The following RPSA2 variants were observed in gnomAD, a reference collection of about 807,000 sequenced individuals.
The protein encoded by RPSA2 is small ribosomal subunit protein uS2B.
chr19:23,845,454 T>C, the RPSA2 span, among the ~76,000 whole-genome samples: 9 of 151,990 alleles, frequency 5.9e-5, no homozygotes, highest in African/African-American at 2.2e-4. Flanking sequence ...TATATTGTGT[T>C]TCTATTTCCA....
the RPSA2 span, among the ~76,000 whole-genome samples, chr19:23,833,521 G>T: frequency 6.6e-6 from 1 of 152,034 alleles, no homozygotes; most frequent in Non-Finnish European, 1.5e-5. Context: ...CTTGATTGTA[G>T]GTAAGGTAAT....
At chr19:23,838,574 C>A in the RPSA2 span, among the ~76,000 whole-genome samples, 1 of 151,952 alleles carries the variant, frequency 6.6e-6, no homozygotes, top group South Asian at 2.1e-4. Flanking sequence ...TTTAAATTAC[C>A]ATTTTAATCT....
the RPSA2 span, among the ~76,000 whole-genome samples, chr19:23,821,758 G>T: frequency 6.6e-6 from 1 of 152,140 alleles, no homozygotes; most frequent in Non-Finnish European, 1.5e-5. Flanking sequence ...CTTAGCCTCA[G>T]CCATCTCTTG....
At chr19:23,843,271 C>G in the RPSA2 span, 220 of 194,866 alleles carry the variant, frequency 1.1e-3, 1 homozygote, top group Non-Finnish European at 2.0e-3. Flanking sequence ...TGGTCAAATA[C>G]TCTGGCACGT....
At chr19:23,826,808 C>T in the RPSA2 span, among the ~76,000 whole-genome samples, 1 of 152,054 alleles carries the variant, frequency 6.6e-6, no homozygotes, top group Admixed American at 6.6e-5. Context: ...GCCTCAGCCT[C>T]CCGAGTAGCT....
At chr19:23,765,667 T>G in the RPSA2 span, among the ~76,000 whole-genome samples, 3 of 152,146 alleles carry the variant, frequency 2.0e-5, no homozygotes, top group African/African-American at 7.2e-5. Flanking sequence ...AAATAACTTA[T>G]GGGTAGTAGG....
At chr19:23,839,960 T>G in the RPSA2 span, among the ~76,000 whole-genome samples, 13 of 152,314 alleles carry the variant, frequency 8.5e-5, no homozygotes, top group African/African-American at 3.1e-4. Flanking sequence ...CTCACTGTAT[T>G]TGGGGTGTCT....
chr19:23,763,480 T>C, the RPSA2 span, among the ~76,000 whole-genome samples: 1 of 152,234 alleles, frequency 6.6e-6, no homozygotes, highest in African/African-American at 2.4e-5. Flanking sequence ...GTGTCTTTTG[T>C]TAAACATTTT....
At chr19:23,777,812 G>T in the RPSA2 span, among the ~76,000 whole-genome samples, 7 of 152,102 alleles carry the variant, frequency 4.6e-5, no homozygotes, top group African/African-American at 1.7e-4. Flanking sequence ...TTAGGCTATT[G>T]TGAAGTATAG....
At chr19:23,769,321 A>T in the RPSA2 span, among the ~76,000 whole-genome samples, 4 of 152,060 alleles carry the variant, frequency 2.6e-5, no homozygotes, top group Non-Finnish European at 5.9e-5. Context: ...CTGTGTCTTA[A>T]CTCTGAGACA....
At chr19:23,827,291 G>A in the RPSA2 span, 1 of 1,258,672 alleles carries the variant, frequency 7.9e-7, no homozygotes, top group Non-Finnish European at 1.1e-6. Flanking sequence ...AAGGAAAAGT[G>A]ATGGCATCTA....
the RPSA2 span, among the ~76,000 whole-genome samples, chr19:23,839,900 T>C: frequency 6.6e-6 from 1 of 152,214 alleles, no homozygotes; most frequent in Non-Finnish European, 1.5e-5. Flanking sequence ...AGTGGGGTCG[T>C]TGTGTTCAGG....
chr19:23,781,502 T>G, the RPSA2 span, among the ~76,000 whole-genome samples: 2 of 151,504 alleles, frequency 1.3e-5, no homozygotes, highest in Non-Finnish European at 2.9e-5. Flanking sequence ...CCACACAGGC[T>G]AATTTTTTGT....
chr19:23,869,013 C>CTAA, the RPSA2 span, among the ~76,000 whole-genome samples: 1 of 152,294 alleles, frequency 6.6e-6, no homozygotes, highest in South Asian at 2.1e-4. Context: ...ACCCCTGATT[C>CTAA]CATGTTCTTG....
At chr19:23,763,404 G>A in the RPSA2 span, among the ~76,000 whole-genome samples, 1 of 152,210 alleles carries the variant, frequency 6.6e-6, no homozygotes, top group Admixed American at 6.5e-5. Context: ...GATGCCAGGC[G>A]GGTCATAAGA....
chr19:23,862,495 T>G, the RPSA2 span, among the ~76,000 whole-genome samples: 1 of 151,972 alleles, frequency 6.6e-6, no homozygotes, highest in South Asian at 2.1e-4. Context: ...GCCCATTCAG[T>G]ATGATATTGG....
At chr19:23,860,172 A>C in the RPSA2 span, among the ~76,000 whole-genome samples, 2 of 152,174 alleles carry the variant, frequency 1.3e-5, no homozygotes. Context: ...TTGATGGCTC[A>C]TAACACCCTA....
At chr19:23,861,255 T>C in the RPSA2 span, among the ~76,000 whole-genome samples, 3 of 152,078 alleles carry the variant, frequency 2.0e-5, no homozygotes, top group Non-Finnish European at 2.9e-5. Context: ...CAAAGCAAAA[T>C]TAAATTTCCC....
the RPSA2 span, among the ~76,000 whole-genome samples, chr19:23,866,119 C>G: frequency 1.3e-5 from 2 of 152,180 alleles, no homozygotes; most frequent in African/African-American, 4.8e-5. Context: ...TTAACACTCC[C>G]ATCAGAGAGG....
Sources: allele counts gnomAD v4.1 joint callset (sites outside exome capture counted in the v4.1 genomes callset), GRCh38; gene constraint gnomAD v4.1.1; transcripts MANE v1.5; gene names NCBI Gene and HGNC (gene_info 2026-07-23, HGNC 2026-07-21).